Variants in INCENP observed in about 807,000 individuals in gnomAD.
The protein encoded by INCENP is binds and activates aurora-B and -C in vivo and in vitro.
In INCENP, 43 loss-of-function variants were observed where a neutral mutation model predicts 107.3. The observed-to-expected ratio is 0.40, with a 90% CI of 0.31 to 0.52. The LOEUF (loss-of-function observed/expected upper bound fraction) is 0.52. INCENP is among the 20% of genes least tolerant of loss of function. INCENP has a pLI of 0.53. For synonymous variants in INCENP, 488 were observed against 494.4 expected (o/e 0.99, Z 0.17); for missense variants, 1,089 against 1,250.9 (o/e 0.87, Z 1.95).
At chr11:62,134,787 C>T (rs1182686790) in intron 4 of INCENP, among the ~76,000 whole-genome samples, 1 of 152,146 alleles carries the variant, frequency 6.6e-6, no homozygotes, top group Non-Finnish European at 1.5e-5. Flanking sequence ...CGAGGTGGCT[C>T]ACACCTGTAA....
chr11:62,129,649 T>A lies in INCENP; in HGVS notation c.255-133T>A, dbSNP rs568841412. On this transcript the variant is annotated intron_variant, in intron 3 of 18. Coordinates refer to ENST00000394818, the MANE Select transcript of INCENP (RefSeq NM_001040694.2). Reference sequence around the variant, plus strand: ...GGCCTCATGGCTAGAGGTGGCAGAATCTGGCCTGGAACCCAGATCTTTTGC... The same window carrying A: ...GGCCTCATGGCTAGAGGTGGCAGAAACTGGCCTGGAACCCAGATCTTTTGC... The A allele has an allele frequency of 1.4e-5, 10 of 713,174 alleles. 1 individual carries two copies. Among genetic ancestry groups the A allele is most frequent in the Middle Eastern group, 4.0e-4 (1 of 2,500 alleles). The allele number at this position is 713,174 out of a possible 1,614,324, so 44.2% of individuals were successfully genotyped here. A position where few individuals can be genotyped will look rare whatever the true frequency, so the allele number is the denominator to read the frequency against.
intron 11 of INCENP, chr11:62,144,708 C>T: frequency 4.1e-6 from 3 of 724,578 alleles, no homozygotes; most frequent in Non-Finnish European, 5.1e-6. Flanking sequence ...TGGAGCCTGA[C>T]TTTTGTGTTG....
Position 62,130,143 on chromosome 11 carries a change from C to G in INCENP, c.616C>G (p.Pro206Ala), listed in dbSNP as rs201192132. The change falls in exon 4 of 19, where the codon CCA becomes GCA. Residue 206 changes from proline to alanine, a missense_variant. Transcript: ENST00000394818. ...LSPTPASATA[P>A]TSQGIPTSDE... ...CCCGACTCCAGCTTCAGCCACAGCT[C>G]CAACCTCCCAGGGCATCCCGACATC... 1.5e-5 allele frequency: 25 copies of G among 1,613,890 alleles called. 1 individual carries two copies. The East Asian group carries it at 5.6e-4, about 36-fold the overall frequency.
intron 4 of INCENP, among the ~76,000 whole-genome samples, chr11:62,135,085 A>G (rs1380989962): frequency 6.6e-6 from 1 of 152,100 alleles, no homozygotes; most frequent in Non-Finnish European, 1.5e-5. Flanking sequence ...ATCTGGCCTC[A>G]CATAGACGTG....
chr11:62,140,680 A>T, intron 8 of INCENP, 24 bp from the exon 9 acceptor site: 6 of 1,541,512 alleles, frequency 3.9e-6, no homozygotes, highest in Non-Finnish European at 5.3e-6. Flanking sequence ...CTGCCCTGTG[A>T]TGCCGCCGCC....
At chr11:62,135,991 A>G (rs377192849) in intron 4 of INCENP, among the ~76,000 whole-genome samples, 4 of 151,804 alleles carry the variant, frequency 2.6e-5, no homozygotes, top group Admixed American at 1.3e-4. Flanking sequence ...TTGTATTTCT[A>G]CTAGAGACGG....
intron 11 of INCENP, among the ~76,000 whole-genome samples, chr11:62,143,289 A>G (rs1222852751): frequency 1.3e-5 from 2 of 152,168 alleles, no homozygotes; most frequent in Non-Finnish European, 2.9e-5. Context: ...AAAAGAGAAC[A>G]AACAAAAATG....
chr11:62,145,233 GAGA>G lies in INCENP; in HGVS notation c.1789_1791del (p.Lys597del). Reference sequence around the variant, plus strand: ...CGAGCGGGTGGAGCAGATGAAGGAGGAGAAGAAGAAGCAGATTGAGCAGAAGTT... The same window carrying G: ...CGAGCGGGTGGAGCAGATGAAGGAGGAGAAGAAGCAGATTGAGCAGAAGTT... On this transcript the variant is annotated inframe_deletion, in exon 13 of 19. Coordinates refer to ENST00000394818, the MANE Select transcript of INCENP (RefSeq NM_001040694.2). 2 of 1,614,136 alleles carry G rather than the reference GAGA, an allele frequency of 1.2e-6. No individual in the cohort carries two copies. Among genetic ancestry groups the G allele is most frequent in the South Asian group, 1.1e-5 (1 of 91,084 alleles).
chr11:62,148,459 T>C lies in INCENP; in HGVS notation c.2205-17T>C, dbSNP rs1422327234. 1 of 1,593,078 alleles carries C rather than the reference T, an allele frequency of 6.3e-7. No individual in the cohort carries two copies. ...GCCTCCACTTCCTGTCCTAACAGGC[T>C]CTTGCTGGGTCCTCAGGGAGCTGCA... On this transcript the variant is annotated splice_polypyrimidine_tract_variant and intron_variant, in intron 15 of 18. Transcript: ENST00000394818.
Position 62,150,201 on chromosome 11 carries a change from G to A in INCENP, c.2536G>A (p.Ala846Thr). The A allele has an allele frequency of 6.2e-7, 1 of 1,613,924 alleles. No homozygotes were observed. Among genetic ancestry groups the A allele is most frequent in the Non-Finnish European group, 8.5e-7 (1 of 1,180,006 alleles). ...TCCCCGGAAGCCCATCCCCACCTGG[G>A]CCCGAGGTAAGCAAAGCCCACAGCT... ...AHPRKPIPTW[A>T]RGTPLSQAII... The change falls in exon 18 of 19, where the codon GCC becomes ACC. Residue 846 changes from alanine (A) to threonine (T), a missense_variant. Physicochemically the swap from Ala to Thr is moderately conservative, Grantham distance 58. Transcript: ENST00000394818.
chr11:62,140,095 G>T, intron 7 of INCENP, 139 bp from the exon 8 acceptor site: 1 of 706,736 alleles, frequency 1.4e-6, no homozygotes, highest in Non-Finnish European at 2.5e-6. Context: ...GTCTGCGTTT[G>T]GCCACCCCGG....
chr11:62,145,114 C>T, intron 12 of INCENP, 23 bp downstream of exon 12: 2 of 1,613,990 alleles, frequency 1.2e-6, no homozygotes, highest in African/African-American at 2.7e-5. Context: ...GCTTCCTGGA[C>T]TGTGGCCCAT....
chr11:62,137,574 C>G (rs1024024046), intron 4 of INCENP, among the ~76,000 whole-genome samples: 1 of 152,200 alleles, frequency 6.6e-6, no homozygotes, highest in African/African-American at 2.4e-5. Flanking sequence ...TATTCCCAGC[C>G]CAGTGAAGGT....
chr11:62,145,751 G>C lies in INCENP; in HGVS notation c.1959G>C (p.Gln653His), dbSNP rs1002392113. ...EEARRLRWLQ[Q>H]EEEERRHQEL... ...CACGTAGGCTCAGGTGGCTGCAGCAGGTGCGAGCACAGGTGGGCCTCAGGG... is the reference window on the plus strand; with the variant it reads ...CACGTAGGCTCAGGTGGCTGCAGCACGTGCGAGCACAGGTGGGCCTCAGGG... Residue 653 changes from glutamine (Q) to histidine (H), a missense_variant and splice_region_variant, in exon 14 of 19, where the codon CAG becomes CAC. Physicochemically the swap from Gln to His is conservative, Grantham distance 24. Coordinates refer to ENST00000394818, the MANE Select transcript of INCENP (RefSeq NM_001040694.2). 1 of 1,551,934 alleles carries C rather than the reference G, an allele frequency of 6.4e-7. No homozygotes were observed. Among genetic ancestry groups the C allele is most frequent in the Non-Finnish European group, 8.7e-7 (1 of 1,147,782 alleles).
In INCENP at chr11:62,148,822, C is replaced by T; in HGVS notation, c.2367C>T (p.Ala789=). The change falls in exon 17 of 19, where the codon GCC becomes GCT. Residue 789 remains alanine, a synonymous_variant. Transcript: ENST00000394818. ...KAKEAAGASK[A]LNVTVDVQSP... ...AGGAGGCAGCAGGGGCCAGCAAGGC[C>T]CTGAATGTGACTGTGGACGTGCAGG... 1 of 1,607,564 alleles carries T rather than the reference C, an allele frequency of 6.2e-7. No homozygotes were observed. The highest frequency in any genetic ancestry group is 8.5e-7 in the Non-Finnish European group (1 of 1,177,394).
Position 62,146,766 on chromosome 11 carries a change from C to A in INCENP, c.2068C>A (p.Gln690Lys). The change falls in exon 15 of 19, where the codon CAG (glutamine) becomes AAG (lysine). Residue 690 changes from glutamine to lysine, a missense_variant. By Grantham distance (53) the Gln-to-Lys change is moderately conservative. Transcript: ENST00000394818. ...TAAGCGGCTGGCAGAGCAGCGGGAG[C>A]AGGAGCGGCGGGAGCAGGAGCGGCG... ...EAKRLAEQRE[Q>K]ERREQERREQ... 1.3e-6 allele frequency: 2 copies of A among 1,539,590 alleles called. No individual in the cohort carries two copies. The highest frequency in any genetic ancestry group is 1.2e-5 in the South Asian group (1 of 82,288).
chr11:62,144,917 T>C, intron 11 of INCENP, 65 bp from the exon 12 acceptor site: 1 of 1,448,070 alleles, frequency 6.9e-7, no homozygotes, highest in South Asian at 1.2e-5. Flanking sequence ...TGTGGGCAGC[T>C]TTTGGGGCTG....
intron 16 of INCENP, 87 bp downstream of exon 16, chr11:62,148,641 A>C: frequency 8.9e-7 from 1 of 1,126,154 alleles, no homozygotes; most frequent in Non-Finnish European, 1.2e-6. Context: ...CTGCCTAGGG[A>C]GGGGAGGGAA....
rs746746455 is a variant in INCENP at position 62,145,102 on chromosome 11, T to C, written c.1715+11T>C. The stretch of plus-strand genomic sequence containing the variant: ...GGAGGAGGTGAAGCTGTAAGTGGCC[T>C]GGCTTCCTGGACTGTGGCCCATCCC... On this transcript the variant is annotated intron_variant, in intron 12 of 18. Coordinates refer to ENST00000394818, the MANE Select transcript of INCENP (RefSeq NM_001040694.2). The C allele has an allele frequency of 7.4e-6, 12 of 1,613,884 alleles. No individual in the cohort carries two copies. The highest frequency in any genetic ancestry group is 1.0e-5 in the Non-Finnish European group (12 of 1,179,898).
Sources: allele counts gnomAD v4.1 joint callset (sites outside exome capture counted in the v4.1 genomes callset), GRCh38; gene constraint gnomAD v4.1.1; transcripts MANE v1.5; gene names NCBI Gene and HGNC (gene_info 2026-07-23, HGNC 2026-07-21).